Variants in RARB observed in about 807,000 individuals in gnomAD.
RARB encodes retinoic acid receptor beta.
In RARB, 17 loss-of-function variants were observed where a neutral mutation model predicts 51.9. The observed-to-expected ratio is 0.33, with a 90% CI of 0.22 to 0.49. The LOEUF is 0.49. Ranked by LOEUF, RARB falls within the 20% of genes least tolerant of loss-of-function variation. RARB has a pLI of 0.99. For missense variants in RARB, 369 were observed against 550.8 expected (o/e 0.67, Z 3.30); for synonymous variants, 215 against 195.4 (o/e 1.10, Z -0.84).
At position 24,910,241 on chromosome 3, in the gene RARB, T is replaced by A. The variant is rs562186000; in HGVS notation, c.-380+51489T>A. On this transcript the variant is annotated intron_variant, in intron 2 of 11. Transcript: ENST00000383772. ...CCTAGAAACTTAGGGAAATTGGGGG[T>A]GCTGGCAAAAAAACGTTGAATTGCA... Among the ~76,000 whole-genome samples, 3 of 152,008 alleles carry A rather than the reference T, an allele frequency of 2.0e-5. No homozygotes were observed. In the South Asian group the frequency reaches 6.2e-4, roughly 32 times the overall value.
At chr3:25,255,624 C>T (rs1702845691) in intron 5 of RARB, among the ~76,000 whole-genome samples, 1 of 151,482 alleles carries the variant, frequency 6.6e-6, no homozygotes. Context: ...TCTCAAAGTA[C>T]TGATAATATA....
At chr3:25,247,106 G>A (rs541550123) in intron 5 of RARB, among the ~76,000 whole-genome samples, 2 of 152,354 alleles carry the variant, frequency 1.3e-5, no homozygotes, top group East Asian at 3.9e-4. Flanking sequence ...CTAGCTGGGA[G>A]CTTCATTTAC....
At chr3:25,399,103 G>A (rs1417276723) in intron 5 of RARB, among the ~76,000 whole-genome samples, 3 of 152,088 alleles carry the variant, frequency 2.0e-5, no homozygotes, top group Non-Finnish European at 4.4e-5. Context: ...TTACAGATAG[G>A]AAGATACATA....
intron 5 of RARB, among the ~76,000 whole-genome samples, chr3:25,381,803 T>A (rs764663519): frequency 2.0e-5 from 3 of 152,202 alleles, no homozygotes; most frequent in African/African-American, 7.2e-5. Context: ...ATGAGAAACC[T>A]GGAGGGTGGG....
In RARB at chr3:25,535,941, G is replaced by T. The variant is rs78253996; in HGVS notation, c.449-33817G>T. Reference sequence around the variant, plus strand: ...CTTGCAATGGGCTTATTGAGATGTAGCCCCACCTTCCATCGTAGGTCAAGG... The same window carrying T: ...CTTGCAATGGGCTTATTGAGATGTATCCCCACCTTCCATCGTAGGTCAAGG... On this transcript the variant is annotated intron_variant, in intron 3 of 7. Transcript: ENST00000330688. Among the ~76,000 whole-genome samples the T allele has an allele frequency of 1.4e-3, 212 of 152,234 alleles. 5 individuals are homozygous for T. In the East Asian group the frequency reaches 0.036, roughly 26 times the overall value.
chr3:25,234,154 A>G (rs944930216), intron 5 of RARB, among the ~76,000 whole-genome samples: 2 of 152,040 alleles, frequency 1.3e-5, no homozygotes, highest in African/African-American at 4.8e-5. Flanking sequence ...TTTCTTAAAT[A>G]TTTTCTAGAA....
chr3:25,317,085 G>GTATTATAAGTATCA (rs59448581), intron 5 of RARB, among the ~76,000 whole-genome samples: 1 of 151,220 alleles, frequency 6.6e-6, no homozygotes, highest in Non-Finnish European at 1.5e-5. Flanking sequence ...TATAAGTCGT[G>GTATTATAAGTATCA]TAAAAGAATA....
intron 4 of RARB, among the ~76,000 whole-genome samples, chr3:25,169,212 A>C (rs1005079822): frequency 6.6e-6 from 1 of 152,166 alleles, no homozygotes; most frequent in Non-Finnish European, 1.5e-5. Context: ...AAGCTACCCA[A>C]CTGAAAAAAG....
chr3:25,499,118 A>G (rs1396343011), intron 2 of RARB, among the ~76,000 whole-genome samples: 1 of 152,206 alleles, frequency 6.6e-6, no homozygotes. Context: ...TTATTTAGAC[A>G]TTAAAATCCT....
chr3:25,452,125 G>A (rs900466856), intron 1 of RARB, among the ~76,000 whole-genome samples: 1 of 152,214 alleles, frequency 6.6e-6, no homozygotes, highest in Admixed American at 6.5e-5. Flanking sequence ...TAAGCAGTTA[G>A]ATGTGTCGGC....
intron 3 of RARB, among the ~76,000 whole-genome samples, chr3:25,119,143 A>G (rs73047788): frequency 1.9e-3 from 294 of 152,254 alleles, no homozygotes; most frequent in Admixed American, 3.6e-3. Flanking sequence ...CTGGAATGCA[A>G]TATTATTACA....
chr3:25,397,100 C>G (rs1284320478), intron 5 of RARB, among the ~76,000 whole-genome samples: 1 of 152,190 alleles, frequency 6.6e-6, no homozygotes, highest in African/African-American at 2.4e-5. Context: ...TTACAAATTT[C>G]AGCTGGAAAT....
chr3:25,018,991 A>G (rs2125283788), intron 2 of RARB, among the ~76,000 whole-genome samples: 1 of 152,340 alleles, frequency 6.6e-6, no homozygotes, highest in South Asian at 2.1e-4. Context: ...CACATTTGTG[A>G]TTGGCTTGAA....
chr3:24,845,601 C>CA lies in RARB; in HGVS notation c.-458-13072dup, dbSNP rs1451804880. The stretch of plus-strand genomic sequence containing the variant: ...AGGAGGCTGAGAAATGTAACCTATC[C>CA]ATGTGCCAGATTTGGCAATCATCTA... On this transcript the variant is annotated intron_variant, in intron 1 of 11. Coordinates refer to the RARB transcript ENST00000383772. Among the ~76,000 whole-genome samples the CA allele has an allele frequency of 2.0e-5, 3 of 152,292 alleles. No individual in the cohort carries two copies. The South Asian group carries it at 6.2e-4, about 32-fold the overall frequency.
chr3:24,885,572 A>G (rs1182226461), intron 2 of RARB, among the ~76,000 whole-genome samples: 1 of 152,182 alleles, frequency 6.6e-6, no homozygotes, highest in African/African-American at 2.4e-5. Context: ...GTAGCTCTAA[A>G]TCACTAACGT....
chr3:25,540,479 T>C (rs1204985781), intron 3 of RARB, among the ~76,000 whole-genome samples: 1 of 152,240 alleles, frequency 6.6e-6, no homozygotes, highest in Non-Finnish European at 1.5e-5. Context: ...AGACACTTTG[T>C]TATTTTTAAC....
intron 2 of RARB, among the ~76,000 whole-genome samples, chr3:25,479,133 A>G (rs569241056): frequency 1.4e-5 from 2 of 145,380 alleles, no homozygotes; most frequent in South Asian, 4.3e-4. Context: ...TGTTTTAAAA[A>G]TGTTGTCTGT....
intron 5 of RARB, among the ~76,000 whole-genome samples, chr3:25,332,420 A>G (rs1704927393): frequency 6.6e-6 from 1 of 152,252 alleles, no homozygotes; most frequent in African/African-American, 2.4e-5. Context: ...ACCAATGACA[A>G]AAACCACATG....
chr3:25,213,565 G>T (rs1327790932), intron 5 of RARB, among the ~76,000 whole-genome samples: 1 of 152,176 alleles, frequency 6.6e-6, no homozygotes, highest in Non-Finnish European at 1.5e-5. Flanking sequence ...CACATTACCA[G>T]AGTATCTACC....
Sources: allele counts gnomAD v4.1 joint callset (sites outside exome capture counted in the v4.1 genomes callset), GRCh38; gene constraint gnomAD v4.1.1; transcripts MANE v1.5; gene names NCBI Gene and HGNC (gene_info 2026-07-23, HGNC 2026-07-21).